PLXNA4: variants seen among roughly 807,000 people sequenced by gnomAD.
The protein encoded by PLXNA4 is plexin A4, also known as plexin-A4.
In PLXNA4, 44 loss-of-function variants were observed where a neutral mutation model predicts 191.8. The observed-to-expected ratio is 0.23, with a 90% confidence interval of 0.18 to 0.29. The LOEUF (loss-of-function observed/expected upper bound fraction) is 0.29. PLXNA4 is among the 10% of genes least tolerant of loss of function. PLXNA4 has a pLI of 1.00. For missense variants in PLXNA4, 1,800 were observed against 2,488.8 expected, an observed-to-expected ratio of 0.72 and a Z score of 5.89; for synonymous variants, 1,082 against 1,009.5, an observed-to-expected ratio of 1.07 and a Z score of -1.36.
chr7:132,547,107 C>G (rs1800343500), intron 1 of PLXNA4, among the ~76,000 whole-genome samples: 1 of 152,144 alleles, frequency 6.6e-6, no homozygotes, highest in South Asian at 2.1e-4. Context: ...TTCCAGTTCA[C>G]AGAGAGAATT....
intron 3 of PLXNA4, among the ~76,000 whole-genome samples, chr7:132,386,026 C>T (rs1471644486): frequency 6.6e-6 from 1 of 152,130 alleles, no homozygotes; most frequent in Admixed American, 6.5e-5. Flanking sequence ...ACTTAATTAG[C>T]ATTTAGTAAA....
chr7:132,475,712 G>T (rs1300752526), intron 3 of PLXNA4, among the ~76,000 whole-genome samples: 1 of 151,932 alleles, frequency 6.6e-6, no homozygotes. Context: ...AGGTCAGCAA[G>T]CAAGAGACAT....
intron 4 of PLXNA4, among the ~76,000 whole-genome samples, chr7:132,272,590 A>G (rs1800118238): frequency 6.6e-6 from 1 of 152,216 alleles, no homozygotes; most frequent in Non-Finnish European, 1.5e-5. Flanking sequence ...TCATTTATAG[A>G]GTAAAATCCA....
chr7:132,205,726 G>A (rs1326338253), intron 10 of PLXNA4, among the ~76,000 whole-genome samples: 2 of 152,292 alleles, frequency 1.3e-5, no homozygotes, highest in South Asian at 4.1e-4. Context: ...AGGCAGTGCT[G>A]GGGCAGGCTG....
intron 3 of PLXNA4, among the ~76,000 whole-genome samples, chr7:132,386,506 T>C (rs1182469800): frequency 6.6e-6 from 1 of 152,094 alleles, no homozygotes; most frequent in Non-Finnish European, 1.5e-5. Context: ...TTCTCAGAAG[T>C]GGGGCAGGTG....
chr7:132,300,162 G>T (rs917150422), intron 3 of PLXNA4, among the ~76,000 whole-genome samples: 1 of 152,206 alleles, frequency 6.6e-6, no homozygotes, highest in Non-Finnish European at 1.5e-5. Flanking sequence ...CAAGAAAAAT[G>T]ATACCCAGGT....
In PLXNA4 at chr7:132,375,997, C is replaced by T. The variant is rs138785685; in HGVS notation, c.1372-77775G>A. ...GCAGACAGTAGAGTTTGAGTCCCAA[C>T]GCCACTGGCATGACCTTAGACCAAT... On this transcript the variant is annotated intron_variant, in intron 3 of 31. Transcript: ENST00000321063. 6.6e-3 allele frequency among the ~76,000 whole-genome samples: 1,010 copies of T among 152,332 alleles called. 7 individuals are homozygous for T. Among genetic ancestry groups the T allele is most frequent in the Middle Eastern group, 0.037 (11 of 294 alleles).
intron 1 of PLXNA4, among the ~76,000 whole-genome samples, chr7:132,562,577 CCTT>C (rs560110582): frequency 3.6e-3 from 439 of 121,286 alleles, no homozygotes; most frequent in Middle Eastern, 5.7e-3. Flanking sequence ...TTCTCCTCCT[CCTT>C]GTCTTCCTCT....
At chr7:132,247,962 T>C (rs1799117266) in intron 4 of PLXNA4, among the ~76,000 whole-genome samples, 1 of 152,202 alleles carries the variant, frequency 6.6e-6, no homozygotes, top group Non-Finnish European at 1.5e-5. Context: ...GTCCCAATTC[T>C]TCACTCCCTA....
chr7:132,557,928 GGAGAGAGA>G (rs56966838), intron 1 of PLXNA4, among the ~76,000 whole-genome samples: 4 of 149,476 alleles, frequency 2.7e-5, no homozygotes, highest in African/African-American at 7.4e-5. Context: ...TTTAAGGTAG[GGAGAGAGA>G]GAGAGAGAGA....
intron 23 of PLXNA4, among the ~76,000 whole-genome samples, chr7:132,164,764 G>A (rs986419297): frequency 2.6e-5 from 4 of 152,218 alleles, no homozygotes; most frequent in South Asian, 2.1e-4. Flanking sequence ...TGCACCGGCC[G>A]GGGGGCCTTA....
chr7:132,168,618 G>A, intron 21 of PLXNA4, 46 bp from the exon 22 acceptor site: 1 of 1,526,120 alleles, frequency 6.6e-7, no homozygotes, highest in Non-Finnish European at 8.8e-7. Context: ...AGGTTGGGGA[G>A]CTCAGTGACC....
At chr7:132,223,749 A>G in intron 8 of PLXNA4, 108 bp from the exon 9 acceptor site, 1 of 815,902 alleles carries the variant, frequency 1.2e-6, no homozygotes. Flanking sequence ...AAGAGAAACC[A>G]CCGTTGAATG....
intron 4 of PLXNA4, among the ~76,000 whole-genome samples, chr7:132,293,742 A>G (rs1285219684): frequency 6.6e-6 from 1 of 152,190 alleles, no homozygotes; most frequent in African/African-American, 2.4e-5. Flanking sequence ...GTGTCCTTCA[A>G]TCCCATATAA....
chr7:132,504,966 G>A (rs1798399222), intron 2 of PLXNA4, among the ~76,000 whole-genome samples: 1 of 152,248 alleles, frequency 6.6e-6, no homozygotes, highest in African/African-American at 2.4e-5. Flanking sequence ...ATCGTAACAG[G>A]AGGGTGGGAG....
chr7:132,167,615 G>GC (rs1250856319), intron 22 of PLXNA4, among the ~76,000 whole-genome samples: 4 of 152,088 alleles, frequency 2.6e-5, no homozygotes, highest in Non-Finnish European at 4.4e-5. Context: ...GCTCACTACA[G>GC]CCTCAAACTC....
At chr7:132,177,965 A>G (rs745406220) in intron 20 of PLXNA4, among the ~76,000 whole-genome samples, 1 of 152,286 alleles carries the variant, frequency 6.6e-6, no homozygotes, top group East Asian at 1.9e-4. Context: ...GATTTACTCC[A>G]TGTACAAATC....
chr7:132,172,418 G>C (rs1562896419), intron 21 of PLXNA4, among the ~76,000 whole-genome samples: 1 of 152,124 alleles, frequency 6.6e-6, no homozygotes, highest in Non-Finnish European at 1.5e-5. Flanking sequence ...CTCCCCTCCA[G>C]GACAGCCTGA....
At chr7:132,639,439 G>A (rs1324358283) in intron 2 of PLXNA4, among the ~76,000 whole-genome samples, 2 of 152,170 alleles carry the variant, frequency 1.3e-5, no homozygotes. Context: ...ATCATTGTGT[G>A]TATAAGAAAA....
Sources: allele counts gnomAD v4.1 joint callset (sites outside exome capture counted in the v4.1 genomes callset), GRCh38; gene constraint gnomAD v4.1.1; transcripts MANE v1.5; gene names NCBI Gene and HGNC (gene_info 2026-07-23, HGNC 2026-07-21).